Variants in LRRC49 observed in about 807,000 individuals in gnomAD.
The protein encoded by LRRC49 is leucine-rich repeat-containing protein 49.
In LRRC49, 50 loss-of-function variants were observed where a neutral mutation model predicts 83.3. That is an observed-to-expected ratio of 0.60 (90% confidence interval 0.48 to 0.76). The LOEUF is 0.76. LRRC49 is among the 30% of genes least tolerant of loss of function. The probability of loss-of-function intolerance (pLI) is 0.00; values close to 1 mark genes in which losing one functional copy is unlikely to be tolerated. For synonymous variants in LRRC49, 286 were observed against 283.3 expected, an observed-to-expected ratio of 1.01 and a Z score of -0.10; for missense variants, 704 against 809.1, an observed-to-expected ratio of 0.87 and a Z score of 1.58.
Position 70,856,745 on chromosome 15 carries a change from A to G in LRRC49, c.-299+3276A>G, listed in dbSNP as rs181965854. Among the ~76,000 whole-genome samples, 65 of 152,328 alleles carry G rather than the reference A, an allele frequency of 4.3e-4. 1 individual carries two copies. Among genetic ancestry groups the G allele is most frequent in the Admixed American group, 2.6e-3 (40 of 15,300 alleles). ...AGGAGAGTGAGTCCCAGTGAGGCTT[A>G]GAGGGAAGGGCCTCTTCTTCCACTT... On this transcript the variant is annotated intron_variant, in intron 1 of 16. Coordinates refer to the LRRC49 transcript ENST00000544974.
intron 8 of LRRC49, among the ~76,000 whole-genome samples, chr15:70,962,856 A>T (rs2036652707): frequency 6.6e-6 from 1 of 152,164 alleles, no homozygotes; most frequent in South Asian, 2.1e-4. Flanking sequence ...ATAGTTGAGT[A>T]TGAAAAGGAG....
rs542937869 is a variant in LRRC49, at chr15:70,948,065, C to T, written c.773+11243C>T. Among the ~76,000 whole-genome samples the T allele has an allele frequency of 5.3e-5, 8 of 152,158 alleles. No individual in the cohort carries two copies. In the South Asian group the frequency reaches 1.7e-3, roughly 32 times the overall value. ...CATTAATGTTAGAACTAGCTAACTC[C>T]TTTACTTTGGGTCATTTCATCCCAT... On this transcript the variant is annotated intron_variant, in intron 8 of 15. Transcript: ENST00000260382.
At chr15:70,990,847 T>C (rs2037852747) in intron 11 of LRRC49, among the ~76,000 whole-genome samples, 1 of 152,226 alleles carries the variant, frequency 6.6e-6, no homozygotes, top group Admixed American at 6.5e-5. Flanking sequence ...CCTGCACTAT[T>C]TCTCTGATCC....
chr15:70,892,969 T>C (rs2033651241), intron 1 of LRRC49, 27 bp downstream of exon 1: 2 of 1,612,656 alleles, frequency 1.2e-6, no homozygotes, highest in Middle Eastern at 1.7e-4. Context: ...ACTTTCTCTT[T>C]CTTCCCACTG....
chr15:70,920,867 T>C (rs1398051589), intron 7 of LRRC49, among the ~76,000 whole-genome samples: 1 of 152,174 alleles, frequency 6.6e-6, no homozygotes, highest in Admixed American at 6.5e-5. Flanking sequence ...CAAATAAACT[T>C]CATCCAACTC....
intron 9 of LRRC49, among the ~76,000 whole-genome samples, chr15:70,975,806 AAGG>A (rs1355310799): frequency 2.0e-5 from 3 of 152,170 alleles, no homozygotes; most frequent in African/African-American, 7.2e-5. Context: ...CAAAAAAAAA[AAGG>A]AGCTCATCTC....
At chr15:70,881,060 C>CA (rs893045722) in intron 2 of LRRC49, among the ~76,000 whole-genome samples, 3 of 152,038 alleles carry the variant, frequency 2.0e-5, no homozygotes, top group Non-Finnish European at 2.9e-5. Context: ...CCCATCTTTA[C>CA]AAAAAATTTA....
chr15:70,999,899 C>T (rs552163086), intron 11 of LRRC49, among the ~76,000 whole-genome samples: 13 of 152,304 alleles, frequency 8.5e-5, no homozygotes, highest in Admixed American at 4.6e-4. Context: ...CCTAGGGAAG[C>T]TCCAGGGCAA....
chr15:71,023,597 G>A (rs2039062289), intron 14 of LRRC49, among the ~76,000 whole-genome samples: 1 of 151,812 alleles, frequency 6.6e-6, no homozygotes, highest in Non-Finnish European at 1.5e-5. Flanking sequence ...CCACCTGAGA[G>A]CCACACAGGG....
intron 9 of LRRC49, among the ~76,000 whole-genome samples, chr15:70,978,834 A>G (rs1243105517): frequency 1.3e-5 from 2 of 152,192 alleles, no homozygotes; most frequent in Non-Finnish European, 2.9e-5. Flanking sequence ...ACTAAAACAT[A>G]TAGAAAACAT....
At chr15:71,004,662 AAG>A (rs2038391345) in intron 11 of LRRC49, among the ~76,000 whole-genome samples, 1 of 151,110 alleles carries the variant, frequency 6.6e-6, no homozygotes, top group African/African-American at 2.5e-5. Context: ...AAAAAAAAAA[AAG>A]AAAGAAAGAG....
At chr15:70,856,776 C>A (rs2032664781) in intron 1 of LRRC49, among the ~76,000 whole-genome samples, 1 of 152,188 alleles carries the variant, frequency 6.6e-6, no homozygotes, top group African/African-American at 2.4e-5. Context: ...CACTTTGTTG[C>A]ACCCGATTTT....
At position 70,904,620 on chromosome 15, in the gene LRRC49, A is replaced by G. The variant is rs745472975; in HGVS notation, c.365A>G (p.Asn122Ser). 1.9e-6 allele frequency: 3 copies of G among 1,613,474 alleles called. No individual in the cohort carries two copies. Among genetic ancestry groups the G allele is most frequent in the East Asian group, 2.2e-5 (1 of 44,838 alleles). Reference protein sequence around the residue: ...DHLRLLNFQHNFITRIQNISN... With the variant: ...DHLRLLNFQHSFITRIQNISN... Reference sequence around the variant, plus strand: ...CTTCGTTTGTTGAACTTTCAACACAATTTTATAACTCGGATACAAAATATT... The same window carrying G: ...CTTCGTTTGTTGAACTTTCAACACAGTTTTATAACTCGGATACAAAATATT... Residue 122 changes from asparagine (N) to serine (S), a missense_variant, in exon 5 of 16, where the codon AAT (asparagine) becomes AGT (serine). By Grantham distance (46) the Asn-to-Ser change is conservative. This residue lies in a region of LRRC49 where 261 missense variants were observed against 330.5 expected (regional missense o/e 0.79). Transcript: ENST00000260382.
At chr15:70,928,898 T>C (rs1451218254) in intron 7 of LRRC49, among the ~76,000 whole-genome samples, 2 of 152,172 alleles carry the variant, frequency 1.3e-5, no homozygotes, top group East Asian at 3.9e-4. Context: ...ACATTCTGAG[T>C]CTTTATATTT....
intron 11 of LRRC49, among the ~76,000 whole-genome samples, chr15:70,992,755 G>T (rs2037932360): frequency 6.6e-6 from 1 of 152,236 alleles, no homozygotes; most frequent in South Asian, 2.1e-4. Context: ...TTTCGTCTCA[G>T]AGGGGTACCT....
intron 7 of LRRC49, among the ~76,000 whole-genome samples, chr15:70,924,217 C>T (rs1046569439): frequency 4.0e-5 from 6 of 151,780 alleles, no homozygotes; most frequent in Non-Finnish European, 8.9e-5. Flanking sequence ...TAACTTCCAA[C>T]CTTTCTCTTA....
At chr15:70,993,765 A>T (rs554947366) in intron 11 of LRRC49, among the ~76,000 whole-genome samples, 1 of 152,256 alleles carries the variant, frequency 6.6e-6, no homozygotes, top group East Asian at 1.9e-4. Context: ...TTCAGTTTCA[A>T]GTTTATCCAA....
chr15:70,869,948 A>C (rs1262073913), intron 1 of LRRC49, among the ~76,000 whole-genome samples: 2 of 152,026 alleles, frequency 1.3e-5, no homozygotes, highest in Admixed American at 1.3e-4. Flanking sequence ...TAAAATCTTG[A>C]GCTGCAGCTA....
intron 8 of LRRC49, among the ~76,000 whole-genome samples, chr15:70,953,847 T>C (rs993314534): frequency 1.3e-5 from 2 of 152,182 alleles, no homozygotes; most frequent in African/African-American, 2.4e-5. Context: ...TCTTCCTTTG[T>C]TGCTTCAAAG....
Sources: gnomAD v4.1 joint callset for allele counts (sites outside exome capture counted in the v4.1 genomes callset) on GRCh38, gnomAD v4.1.1 for gene constraint, gnomAD v4.1.1 regional missense constraint, MANE v1.5 for transcripts, NCBI Gene and HGNC (gene_info 2026-07-23, HGNC 2026-07-21) for gene names.